IRAK1BP1: variants seen among roughly 807,000 people sequenced by gnomAD.
IRAK1BP1 encodes the protein interleukin-1 receptor-associated kinase 1-binding protein 1.
A neutral mutation model predicts 28.0 loss-of-function variants in IRAK1BP1; 24 were observed. That is an observed-to-expected ratio of 0.86 (90% CI 0.62 to 1.20). The LOEUF (loss-of-function observed/expected upper bound fraction) is 1.20. Among genes scored for constraint, IRAK1BP1 ranks in the 50% most tolerant of loss-of-function variants. The pLI is 0.00. For missense variants in IRAK1BP1, 336 were observed against 316.7 expected (o/e 1.06, Z -0.46); for synonymous variants, 131 against 116.3 (o/e 1.13, Z -0.81).
chr6:78,971,097 C>G, the IRAK1BP1 span, among the ~76,000 whole-genome samples: 1 of 152,124 alleles, frequency 6.6e-6, no homozygotes, highest in African/African-American at 2.4e-5. Flanking sequence ...TGAATACACA[C>G]TTATAAGTTA....
chr6:78,932,415 CTTTTTCTT>C (rs1469444951), intron 4 of IRAK1BP1, among the ~76,000 whole-genome samples: 1 of 120,006 alleles, frequency 8.3e-6, no homozygotes, highest in Non-Finnish European at 1.8e-5. Context: ...TCTTTTCTTT[CTTTTTCTT>C]TTTTTTTTTT....
the IRAK1BP1 span, chr6:78,965,740 CT>C: frequency 6.4e-7 from 1 of 1,573,380 alleles, no homozygotes; most frequent in Non-Finnish European, 8.7e-7. Flanking sequence ...AAGGACTCAT[CT>C]TTTCTGTATC....
At chr6:78,889,123 AAAAAAAAAAAAG>A (rs1771535800) in intron 2 of IRAK1BP1, among the ~76,000 whole-genome samples, 2 of 147,352 alleles carry the variant, frequency 1.4e-5, no homozygotes, top group Admixed American at 1.4e-4. Context: ...TCTCAAAAAA[AAAAAAAAAAAAG>A]AAAGAAAGAA....
exon 5 of IRAK1BP1, chr6:78,945,639 A>C: frequency 1.5e-6 from 1 of 651,240 alleles, no homozygotes; most frequent in Admixed American, 2.4e-5. Context: ...CTACTTTCTA[A>C]TAGGAAAAAG....
chr6:78,945,851 A>G, exon 5 of IRAK1BP1: 1 of 650,806 alleles, frequency 1.5e-6, no homozygotes, highest in Non-Finnish European at 2.6e-6. Context: ...CTTATTAAAA[A>G]CTTTTTTTTA....
downstream of IRAK1BP1, among the ~76,000 whole-genome samples, chr6:78,951,342 G>A (rs955438720): frequency 1.3e-5 from 2 of 152,022 alleles, no homozygotes; most frequent in African/African-American, 2.4e-5. Flanking sequence ...ATAAATGAAC[G>A]TTGTAGAATA....
At chr6:78,976,178 T>C in the IRAK1BP1 span, among the ~76,000 whole-genome samples, 2 of 149,336 alleles carry the variant, frequency 1.3e-5, no homozygotes, top group Admixed American at 6.6e-5. Flanking sequence ...AAAACAGAGA[T>C]ATAGATCAAT....
intron 4 of IRAK1BP1, among the ~76,000 whole-genome samples, chr6:78,924,768 G>T (rs571142894): frequency 5.9e-5 from 9 of 152,122 alleles, no homozygotes; most frequent in Non-Finnish European, 1.2e-4. Flanking sequence ...TTCAATATAT[G>T]CAAATCAACA....
At chr6:78,952,386 T>C in the IRAK1BP1 span, among the ~76,000 whole-genome samples, 3 of 133,702 alleles carry the variant, frequency 2.2e-5, no homozygotes, top group Non-Finnish European at 4.6e-5. Context: ...GCCACTGCAC[T>C]CCAGCCTGGA....
chr6:78,915,403 T>C lies in IRAK1BP1; in HGVS notation c.*67+12293T>C, dbSNP rs538342902. ...ACTTTTAGGATGCTAAAGCATGTTATAGTGGCCAAGAAAACGTGCCTCACA... is the reference window on the plus strand; with the variant it reads ...ACTTTTAGGATGCTAAAGCATGTTACAGTGGCCAAGAAAACGTGCCTCACA... On this transcript the variant is annotated intron_variant and NMD_transcript_variant, in intron 4 of 4. Transcript: ENST00000606868. 6.6e-5 allele frequency among the ~76,000 whole-genome samples: 10 copies of C among 152,324 alleles called. No homozygotes were observed. In the South Asian group the frequency reaches 2.1e-3, roughly 32 times the overall value.
At position 78,898,136 on chromosome 6, in the gene IRAK1BP1, A is replaced by G. The variant is rs770891436; in HGVS notation, c.585A>G (p.Gln195=). The G allele has an allele frequency of 1.2e-6, 2 of 1,613,946 alleles. No homozygotes were observed. Among genetic ancestry groups the G allele is most frequent in the Admixed American group, 3.3e-5 (2 of 59,998 alleles). The change falls in exon 4 of 4, where the codon CAA becomes CAG. Residue 195 remains glutamine (Q), a synonymous_variant. Transcript: ENST00000369940. ...KAQEVCNLVG[Q]TLGKPLLIKE... ...AAGAAGTCTGTAACCTTGTTGGCCA[A>G]ACCTTAGGAAAACCTTTACTAATCA...
chr6:78,888,520 A>ATT (rs35503114), intron 2 of IRAK1BP1, among the ~76,000 whole-genome samples: 2,927 of 143,810 alleles, frequency 0.02, 92 homozygotes, highest in African/African-American at 0.063. Flanking sequence ...TACAGCTCCA[A>ATT]TTTTTTTTTT....
intron 4 of IRAK1BP1, chr6:78,939,567 A>G (rs1452092441): frequency 6.6e-6 from 1 of 151,958 alleles, no homozygotes; most frequent in Non-Finnish European, 1.5e-5. Flanking sequence ...ATACCTGGGT[A>G]ATAGTATATA....
At chr6:78,917,496 G>A (rs1312180579) in intron 4 of IRAK1BP1, among the ~76,000 whole-genome samples, 1 of 151,892 alleles carries the variant, frequency 6.6e-6, no homozygotes, top group Non-Finnish European at 1.5e-5. Context: ...ATATTTCAAG[G>A]AATAATTCAA....
chr6:78,941,432 A>T, intron 4 of IRAK1BP1: 1 of 650,954 alleles, frequency 1.5e-6, no homozygotes, highest in South Asian at 2.6e-5. Flanking sequence ...ATGTAATGAC[A>T]TAATCCAAAT....
At chr6:78,920,341 C>G (rs1052839894) in intron 4 of IRAK1BP1, among the ~76,000 whole-genome samples, 1 of 151,978 alleles carries the variant, frequency 6.6e-6, no homozygotes, top group African/African-American at 2.4e-5. Flanking sequence ...CAATCCTAAG[C>G]AAAAAGAAAA....
chr6:78,940,273 T>G (rs1773422269), intron 4 of IRAK1BP1: 1 of 151,952 alleles, frequency 6.6e-6, no homozygotes, highest in South Asian at 2.1e-4. Context: ...AATAGAAATG[T>G]ACCTCACTTG....
chr6:78,946,648 C>T (rs1773834870), downstream of IRAK1BP1: 2 of 1,466,466 alleles, frequency 1.4e-6, no homozygotes, highest in Non-Finnish European at 1.8e-6. Flanking sequence ...TAAAAAACAC[C>T]AAGTTCTATC....
At chr6:78,970,677 C>A in the IRAK1BP1 span, 1 of 705,138 alleles carries the variant, frequency 1.4e-6, no homozygotes, top group Non-Finnish European at 2.4e-6. Flanking sequence ...AAGGTATCTT[C>A]ATGATGCAGT....
Sources: gnomAD v4.1 joint callset for allele counts (sites outside exome capture counted in the v4.1 genomes callset) on GRCh38, gnomAD v4.1.1 for gene constraint, MANE v1.5 for transcripts, NCBI Gene and HGNC (gene_info 2026-07-23, HGNC 2026-07-21) for gene names.